The following ERICH5 variants were observed in gnomAD, a reference collection of about 807,000 sequenced individuals.
ERICH5 encodes glutamate rich 5, also known as glutamate-rich protein 5.
In ERICH5, 24 loss-of-function variants were observed where a neutral mutation model predicts 28.0. The ratio of observed to expected loss-of-function variants is 0.86; its 90% CI spans 0.62 to 1.21. ERICH5 has a LOEUF of 1.21. Among genes scored for constraint, ERICH5 ranks in the 50% most tolerant of loss-of-function variants. ERICH5 has a pLI of 0.00. For synonymous variants in ERICH5, 163 were observed against 157.6 expected (o/e 1.03, Z -0.25); for missense variants, 421 against 441.2 (o/e 0.95, Z 0.41).
At chr8:98,067,081 A>G (rs892719398) in intron 1 of ERICH5, among the ~76,000 whole-genome samples, 7 of 152,208 alleles carry the variant, frequency 4.6e-5, no homozygotes, top group Non-Finnish European at 1.0e-4. Flanking sequence ...GTTTTTACAG[A>G]TAAGAGTAAA....
chr8:98,089,712 A>G lies in ERICH5; in HGVS notation c.695A>G (p.Glu232Gly). ...SKENESPEIL[E>G]GSQFVETAEE... ...GAGAATGAATCTCCAGAAATATTGG[A>G]AGGAAGTCAGTTTGTGGAAACAGCT... is the stretch of plus-strand genomic sequence containing the variant. The change falls in exon 2 of 3, where the codon GAA (glutamate) becomes GGA (glycine). Residue 232 changes from glutamate to glycine, a missense_variant. Glu to Gly is a moderately conservative substitution (Grantham distance 98). Coordinates refer to ENST00000318528, the MANE Select transcript of ERICH5 (RefSeq NM_173549.3). 1 of 1,614,154 alleles carries G rather than the reference A, an allele frequency of 6.2e-7. No individual in the cohort carries two copies. Among genetic ancestry groups the G allele is most frequent in the Non-Finnish European group, 8.5e-7 (1 of 1,180,022 alleles).
chr8:98,071,355 T>C (rs1242230057), intron 1 of ERICH5, among the ~76,000 whole-genome samples: 3 of 152,240 alleles, frequency 2.0e-5, no homozygotes, highest in Non-Finnish European at 2.9e-5. Flanking sequence ...TCTATGTTAA[T>C]GTTTTACAAT....
At chr8:98,070,660 CAAAAAAAAAAA>C (rs769042472) in intron 1 of ERICH5, among the ~76,000 whole-genome samples, 2 of 38,758 alleles carry the variant, frequency 5.2e-5, no homozygotes, top group Admixed American at 6.9e-4. Flanking sequence ...AACTGCATCT[CAAAAAAAAAAA>C]AAAAAAAAAA....
At chr8:98,077,705 T>TTA (rs1225370329) in intron 1 of ERICH5, among the ~76,000 whole-genome samples, 2 of 152,062 alleles carry the variant, frequency 1.3e-5, no homozygotes, top group Non-Finnish European at 2.9e-5. Context: ...TAATTACTAA[T>TTA]TATGTTCTTG....
chr8:98,086,074 T>C (rs1468709970), intron 1 of ERICH5, among the ~76,000 whole-genome samples: 1 of 152,136 alleles, frequency 6.6e-6, no homozygotes, highest in African/African-American at 2.4e-5. Context: ...TCGGAGGTGT[T>C]GGTGAAGGTG....
chr8:98,093,524 C>T lies in ERICH5; in HGVS notation c.*191C>T, dbSNP rs1388902211. ...ATATTGTTCTGCAAAACTGCTAAGC[C>T]ATGAACAGTTTTCTTAGCTACTTAG... On this transcript the variant is annotated 3_prime_UTR_variant, in exon 3 of 3. Transcript: ENST00000318528. The T allele has an allele frequency of 2.3e-6, 1 of 426,660 alleles. No homozygotes were observed. The highest frequency in any genetic ancestry group is 2.0e-5 in the African/African-American group (1 of 49,196). 26.4% of individuals were successfully genotyped at this position (426,660 alleles called of 1,614,324 possible). A position where few individuals can be genotyped will look rare whatever the true frequency, so the allele number is the denominator to read the frequency against.
chr8:98,083,393 G>A (rs1815215855), intron 1 of ERICH5, among the ~76,000 whole-genome samples: 1 of 152,082 alleles, frequency 6.6e-6, no homozygotes, highest in Non-Finnish European at 1.5e-5. Flanking sequence ...CCTTGATTAA[G>A]TCACCTTACT....
Position 98,090,040 on chromosome 8 carries a change from T to C in ERICH5, c.1012+11T>C. The C allele has an allele frequency of 1.3e-6, 2 of 1,592,546 alleles. No individual in the cohort carries two copies. The highest frequency in any genetic ancestry group is 2.3e-5 in the South Asian group (2 of 88,758). ...ACCAACGCATTGAAGGTAAAAGTTA[T>C]GCTGGCAAACCTGGATGTTTAGATG... On this transcript the variant is annotated intron_variant, in intron 2 of 2. Transcript: ENST00000318528.
At chr8:98,084,472 G>A (rs867514530) in intron 1 of ERICH5, among the ~76,000 whole-genome samples, 11 of 151,854 alleles carry the variant, frequency 7.2e-5, no homozygotes, top group Middle Eastern at 3.4e-3. Context: ...AACCTCTGCC[G>A]CCCGGGTTCA....
rs1457890861 is a variant in ERICH5, at chr8:98,093,380, A to G, written c.*47A>G. On this transcript the variant is annotated 3_prime_UTR_variant, in exon 3 of 3. Coordinates refer to ENST00000318528, the MANE Select transcript of ERICH5 (RefSeq NM_173549.3). Reference sequence around the variant, plus strand: ...GTGTGTTATCATAGAGGAGACAAAAATGGTAGTGAAGCTTGTGGTTATGTA... The same window carrying G: ...GTGTGTTATCATAGAGGAGACAAAAGTGGTAGTGAAGCTTGTGGTTATGTA... The G allele has an allele frequency of 2.3e-6, 3 of 1,308,182 alleles. No individual in the cohort carries two copies. The highest frequency in any genetic ancestry group is 3.3e-6 in the Non-Finnish European group (3 of 913,566). The allele number at this position is 1,308,182 out of a possible 1,614,324, so 81.0% of individuals were successfully genotyped here. A position where few individuals can be genotyped will look rare whatever the true frequency, so the allele number is the denominator to read the frequency against.
chr8:98,069,932 C>T (rs1237591871), intron 1 of ERICH5, among the ~76,000 whole-genome samples: 1 of 152,226 alleles, frequency 6.6e-6, no homozygotes, highest in Non-Finnish European at 1.5e-5. Context: ...AGGGAGCATG[C>T]ACTTGGTTTC....
rs1183167021 is a variant in ERICH5 at position 98,089,156 on chromosome 8, G to T, written c.139G>T (p.Glu47Ter). The T allele has an allele frequency of 3.7e-6, 6 of 1,614,124 alleles. No homozygotes were observed. The highest frequency in any genetic ancestry group is 5.1e-6 in the Non-Finnish European group (6 of 1,180,060). Residue 47 changes from glutamate (E) to a stop codon, truncating the protein, a stop_gained, in exon 2 of 3, where the codon GAA becomes TAA. Coordinates refer to ENST00000318528, the MANE Select transcript of ERICH5 (RefSeq NM_173549.3). LOFTEE classifies it high-confidence loss of function. ...ACCAAAGCCACATGCACTGGGAAGA[G>T]AATCTACTGTTGATGGCAATGTACA... ...AQPKPHALGRESTVDGNVQRE... is the reference protein window; with the variant it reads ...AQPKPHALGR
At chr8:98,078,132 G>A (rs1815092848) in intron 1 of ERICH5, among the ~76,000 whole-genome samples, 1 of 152,170 alleles carries the variant, frequency 6.6e-6, no homozygotes, top group South Asian at 2.1e-4. Flanking sequence ...CTGATGGAAT[G>A]CACACTTGGG....
At chr8:98,080,584 C>A (rs374821592) in intron 1 of ERICH5, among the ~76,000 whole-genome samples, 146 of 151,702 alleles carry the variant, frequency 9.6e-4, no homozygotes, top group African/African-American at 3.2e-3. Flanking sequence ...TCTCCTTCTC[C>A]TTCTTCTCCT....
rs139008916 is a variant in ERICH5 at position 98,064,676 on chromosome 8, T to G, written c.7T>G (p.Cys3Gly). 1,075 of 1,535,338 alleles carry G rather than the reference T, an allele frequency of 7.0e-4. 1 individual carries two copies. Among genetic ancestry groups the G allele is most frequent in the Non-Finnish European group, 9.0e-4 (1,027 of 1,142,164 alleles). The change falls in exon 1 of 3, where the codon TGC becomes GGC. Residue 3 changes from cysteine to glycine, a missense_variant. Physicochemically the swap from Cys to Gly is radical, Grantham distance 159. Transcript: ENST00000318528. MGCSSSALNKAGD... is the reference protein window; with the variant it reads MGGSSSALNKAGD... ...GGTGTCTGCGCTCCCCGCAATGGGC[T>G]GCTCCAGCAGCGCCCTCAACAAGGC...
intron 1 of ERICH5, among the ~76,000 whole-genome samples, chr8:98,076,127 C>G (rs1175762952): frequency 6.6e-6 from 1 of 152,150 alleles, no homozygotes; most frequent in African/African-American, 2.4e-5. Context: ...GATCTCAGCT[C>G]ACTGCAGCTT....
intron 1 of ERICH5, among the ~76,000 whole-genome samples, chr8:98,071,186 C>T (rs1027505265): frequency 2.6e-5 from 4 of 151,934 alleles, no homozygotes; most frequent in Admixed American, 2.0e-4. Flanking sequence ...CCGAGGCAGG[C>T]GAATTTCTTG....
Position 98,066,800 on chromosome 8 carries a change from G to A in ERICH5, c.58+2073G>A, listed in dbSNP as rs113728167. Among the ~76,000 whole-genome samples, 198 of 152,248 alleles carry A rather than the reference G, an allele frequency of 1.3e-3. 1 individual carries two copies. The highest frequency in any genetic ancestry group is 4.5e-3 in the African/African-American group (186 of 41,536). On this transcript the variant is annotated intron_variant, in intron 1 of 2. Transcript: ENST00000318528. Reference sequence around the variant, plus strand: ...CTATTCTGTGTTCATCAACATTTCAGCTTCATGATCTTAGGCCCGATAAAT... The same window carrying A: ...CTATTCTGTGTTCATCAACATTTCAACTTCATGATCTTAGGCCCGATAAAT...
chr8:98,086,397 A>C (rs1815280134), intron 1 of ERICH5, among the ~76,000 whole-genome samples: 1 of 152,196 alleles, frequency 6.6e-6, no homozygotes, highest in South Asian at 2.1e-4. Context: ...TTAAATTGAT[A>C]GGCTGTTTGA....
Sources: allele counts gnomAD v4.1 joint callset (sites outside exome capture counted in the v4.1 genomes callset), GRCh38; gene constraint gnomAD v4.1.1; transcripts MANE v1.5; gene names NCBI Gene and HGNC (gene_info 2026-07-23, HGNC 2026-07-21).